TTN: variants seen among roughly 807,000 people sequenced by gnomAD.
The protein encoded by TTN is connectin.
A neutral mutation model predicts 3,223.0 loss-of-function variants in TTN; 1,525 were observed. That is an observed-to-expected ratio of 0.47 (90% CI 0.45 to 0.49). The LOEUF (loss-of-function observed/expected upper bound fraction) is 0.49, where lower values mean the gene tolerates loss of function less well. Ranked by LOEUF, TTN falls within the 20% of genes least tolerant of loss-of-function variation. The pLI, the probability that TTN is intolerant of heterozygous loss-of-function variation, is 0.00. For synonymous variants in TTN, 14,094 were observed against 15,161.0 expected (o/e 0.93, Z 5.17); for missense variants, 40,786 against 43,424.0 (o/e 0.94, Z 5.40).
In TTN at chr2:178,551,640, A is replaced by G. The variant is rs1208748409; in HGVS notation, c.91260T>C (p.Val30420=). 3.8e-6 allele frequency: 6 copies of G among 1,578,952 alleles called. No homozygotes were observed. Among genetic ancestry groups the G allele is most frequent in the Admixed American group, 1.8e-5 (1 of 54,644 alleles). ...ATAATAATCACTTACCTACTGGAGA[A>G]ACAGCTAAGGTAAATTTGCTTGGGT... ...PSDPSKFTLA[V]SPVDPPGTPD... Residue 30420 remains valine (V), a synonymous_variant, in exon 335 of 363, where the codon GTT becomes GTC. Coordinates refer to ENST00000589042, the MANE Select transcript of TTN (RefSeq NM_001267550.2).
Position 178,601,028 on chromosome 2 carries a change from T to G in TTN, c.55876A>C (p.Thr18626Pro), listed in dbSNP as rs762549682. Reference protein sequence around the residue: ...VECLAWDPTGTKKEAWRQCNK... With the variant: ...VECLAWDPTGPKKEAWRQCNK... The stretch of plus-strand genomic sequence containing the variant: ...CACTGCCTCCAGGCTTCTTTCTTTG[T>G]CCCAGTAGGGTCCCATGCAAGGCAC... Residue 18626 changes from threonine to proline, a missense_variant, in exon 288 of 363, where the codon ACA (threonine) becomes CCA (proline). Thr to Pro is a conservative substitution (Grantham distance 38). Coordinates refer to ENST00000589042, the MANE Select transcript of TTN (RefSeq NM_001267550.2). The G allele has an allele frequency of 1.2e-6, 2 of 1,612,942 alleles. No homozygotes were observed. The highest frequency in any genetic ancestry group is 1.7e-6 in the Non-Finnish European group (2 of 1,179,360).
At position 178,531,110 on chromosome 2, in the gene TTN, G is replaced by A. The variant is rs746050101; in HGVS notation, c.105505C>T (p.Leu35169=). ...ACTTGGTGGCGGGCAGAAGTACTTA[G>A]CACTTGTCCTTTACGCAGCCAGGTC... ...TVTWLRKGQV[L]STSARHQVTT... The change falls in exon 358 of 363, where the codon CTA becomes TTA. Residue 35169 remains leucine, a synonymous_variant. Coordinates refer to ENST00000589042, the MANE Select transcript of TTN (RefSeq NM_001267550.2). 24 of 1,613,856 alleles carry A rather than the reference G, an allele frequency of 1.5e-5. No individual in the cohort carries two copies. In the East Asian group the frequency reaches 5.1e-4, roughly 34 times the overall value.
At chr2:178,665,337 A>G (rs2154260488) in intron 165 of TTN, 40 bp downstream of exon 165, 1 of 1,544,808 alleles carries the variant, frequency 6.5e-7, no homozygotes, top group South Asian at 1.1e-5. Context: ...AGCAGAGGAC[A>G]GATAATTTCT....
At chr2:178,748,901 CTT>C (rs2084499421) in intron 47 of TTN, 1 of 1,612,302 alleles carries the variant, frequency 6.2e-7, no homozygotes, top group Admixed American at 1.7e-5. Context: ...TCTTGATTCT[CTT>C]TGCTTTAATG....
intron 21 of TTN, 134 bp from the exon 22 acceptor site, chr2:178,780,339 A>T: frequency 1.4e-6 from 1 of 737,448 alleles, no homozygotes; most frequent in Non-Finnish European, 2.3e-6. Context: ...CTACTATTGA[A>T]GTGCTCAATA....
In TTN at chr2:178,614,270, C is replaced by T. The variant is rs746306518; in HGVS notation, c.49127G>A (p.Arg16376His). The stretch of plus-strand genomic sequence containing the variant: ...TGTGATCTTAGATCCACCATCATCG[C>T]GTGGTGGGTTCCATGTTAGAAGACA... ...ESCLLTWNPP[R>H]DDGGSKITNY... is the part of the protein sequence containing the mutation. Residue 16376 changes from arginine to histidine, a missense_variant, in exon 262 of 363, where the codon CGC becomes CAC. Physicochemically the swap from Arg to His is conservative, Grantham distance 29. Transcript: ENST00000589042. 21 of 1,612,624 alleles carry T rather than the reference C, an allele frequency of 1.3e-5. No homozygotes were observed. The highest frequency in any genetic ancestry group is 2.2e-5 in the East Asian group (1 of 44,614).
chr2:178,534,304 A>C lies in TTN; in HGVS notation c.102311T>G (p.Met34104Arg), dbSNP rs769416699. The C allele has an allele frequency of 6.2e-7, 1 of 1,613,756 alleles. No individual in the cohort carries two copies. The highest frequency in any genetic ancestry group is 8.5e-7 in the Non-Finnish European group (1 of 1,179,824). ...YHTLIKKDLN[M>R]VVSAARISCG... ...GGAGATCCGGGCTGCTGACACAACC[A>C]TGTTGAGGTCTTTCTTGATCAGGGT... Residue 34104 changes from methionine (M) to arginine (R), a missense_variant, in exon 358 of 363, where the codon ATG becomes AGG. Coordinates refer to ENST00000589042, the MANE Select transcript of TTN (RefSeq NM_001267550.2).
In TTN at chr2:178,560,782, C is replaced by A; in HGVS notation, c.85350G>T (p.Lys28450Asn). ...CAAGTGGTCCTGCTGGTGGACCAGGCTTATCAAGTACTTTGCAATTAACGG... is the reference window on the plus strand; with the variant it reads ...CAAGTGGTCCTGCTGGTGGACCAGGATTATCAAGTACTTTGCAATTAACGG... ...SVAVNCKVLDKPGPPAGPLEI... is the reference protein window; with the variant it reads ...SVAVNCKVLDNPGPPAGPLEI... Residue 28450 changes from lysine (K) to asparagine (N), a missense_variant, in exon 326 of 363, where the codon AAG becomes AAT. Lys to Asn is a moderately conservative substitution (Grantham distance 94, BLOSUM62 0). Coordinates refer to ENST00000589042, the MANE Select transcript of TTN (RefSeq NM_001267550.2). 5 of 1,613,762 alleles carry A rather than the reference C, an allele frequency of 3.1e-6. No individual in the cohort carries two copies. Among genetic ancestry groups the A allele is most frequent in the Non-Finnish European group, 4.2e-6 (5 of 1,179,804 alleles).
chr2:178,747,257 C>T (rs150025575), intron 47 of TTN: 9 of 1,612,824 alleles, frequency 5.6e-6, no homozygotes, highest in East Asian at 2.2e-5. Context: ...GTATCTTTCT[C>T]CTACCTCACC....
In TTN at chr2:178,794,419, T is replaced by C. The variant is rs748833883; in HGVS notation, c.1378A>G (p.Ile460Val). ...AQRTTTTAVH[I>V]QPAQEQVRKE... ...CGTACCTGTTCTTGAGCAGGTTGGA[T>C]GTGCACAGCAGTCGTGGTTGTCCTC... is the stretch of plus-strand genomic sequence containing the variant. The change falls in exon 8 of 363, where the codon ATC becomes GTC. Residue 460 changes from isoleucine to valine, a missense_variant. Ile to Val is a conservative substitution (Grantham distance 29). Transcript: ENST00000589042. 3.1e-6 allele frequency: 5 copies of C among 1,614,090 alleles called. No homozygotes were observed. Among genetic ancestry groups the C allele is most frequent in the Admixed American group, 3.3e-5 (2 of 60,014 alleles).
rs147020824 is a variant in TTN, at chr2:178,780,016, G to T, written c.3713C>A (p.Thr1238Asn). The change falls in exon 22 of 363, where the codon ACT (threonine) becomes AAT (asparagine). Residue 1238 changes from threonine to asparagine, a missense_variant. Thr to Asn is a moderately conservative substitution (Grantham distance 65). Transcript: ENST00000589042. ...TATACTCACCTGATCTTCTACATAA[G>T]TTCTGACCACTACAGTATCTTTGGC... ...KMAKDTVVVR[T>N]YVEDQEFHIS... The T allele has an allele frequency of 1.2e-5, 19 of 1,612,528 alleles. No homozygotes were observed. In the African/African-American group the frequency reaches 1.9e-4, roughly 16 times the overall value.
At chr2:178,794,574 G>T in intron 7 of TTN, 23 bp from the exon 8 acceptor site, 1 of 1,614,074 alleles carries the variant, frequency 6.2e-7, no homozygotes, top group South Asian at 1.1e-5. Context: ...TGACCAAGTA[G>T]ATTACTTTTT....
Position 178,531,758 on chromosome 2 carries a change from C to T in TTN, c.104857G>A (p.Val34953Ile), listed in dbSNP as rs776593972. Residue 34953 changes from valine to isoleucine, a missense_variant, in exon 358 of 363, where the codon GTA becomes ATA. Transcript: ENST00000589042. ...AAACGTGTATTTTGGCCACATGGTA[C>T]CCTGTGCGAGCGCATTCTCAGTGTG... Reference protein sequence around the residue: ...RITLRMRSHRVPCGQNTRFIL... With the variant: ...RITLRMRSHRIPCGQNTRFIL... 12 of 1,613,944 alleles carry T rather than the reference C, an allele frequency of 7.4e-6. No individual in the cohort carries two copies. In the Admixed American group the frequency reaches 1.8e-4, roughly 25 times the overall value.
At position 178,792,145 on chromosome 2, in the gene TTN, G is replaced by A. The variant is rs766786868; in HGVS notation, c.1589C>T (p.Ala530Val). ...TCTAGTTTCTTGTTCTTTGGCTTTA[G>A]CTGCGGAAATTACTACCTTTGGTAC... is the stretch of plus-strand genomic sequence containing the variant. The part of the protein sequence containing the change: ...TFVPKVVISA[A>V]KAKEQETRIS... Residue 530 changes from alanine (A) to valine (V), a missense_variant, in exon 10 of 363, where the codon GCT (alanine) becomes GTT (valine). Coordinates refer to ENST00000589042, the MANE Select transcript of TTN (RefSeq NM_001267550.2). 1.2e-6 allele frequency: 2 copies of A among 1,611,920 alleles called. No homozygotes were observed. The highest frequency in any genetic ancestry group is 2.2e-5 in the East Asian group (1 of 44,706).
intron 348 of TTN, 26 bp downstream of exon 348, chr2:178,542,636 C>T: frequency 6.2e-7 from 1 of 1,602,812 alleles, no homozygotes; most frequent in South Asian, 1.1e-5. Flanking sequence ...CATCAACTTG[C>T]TTGTATCTTT....
chr2:178,793,941 T>A (rs1216312228), intron 8 of TTN, among the ~76,000 whole-genome samples: 1 of 152,262 alleles, frequency 6.6e-6, no homozygotes, highest in Non-Finnish European at 1.5e-5. Context: ...CCTGGATTTA[T>A]GACACTGTTC....
chr2:178,590,691 A>T lies in TTN; in HGVS notation c.61034T>A (p.Val20345Asp). The change falls in exon 304 of 363, where the codon GTT becomes GAT. Residue 20345 changes from valine (V) to aspartate (D), a missense_variant. Val to Asp is a radical substitution (Grantham distance 152). Transcript: ENST00000589042. ...LYEGNTYEFRVFAENLAGLSK... is the reference protein window; with the variant it reads ...LYEGNTYEFRDFAENLAGLSK... The stretch of plus-strand genomic sequence containing the variant: ...TAGTCCTGCAAGATTTTCAGCAAAA[A>T]CTCTAAACTCATATGTATTTCCTTC... The T allele has an allele frequency of 6.2e-7, 1 of 1,612,984 alleles. No individual in the cohort carries two copies. The highest frequency in any genetic ancestry group is 8.5e-7 in the Non-Finnish European group (1 of 1,179,392).
rs186409685 is a variant in TTN at position 178,629,069 on chromosome 2, G to T, written c.44424+232C>A. Among the ~76,000 whole-genome samples, 22 of 151,972 alleles carry T rather than the reference G, an allele frequency of 1.4e-4. No homozygotes were observed. In the East Asian group the frequency reaches 4.1e-3, roughly 28 times the overall value. The stretch of plus-strand genomic sequence containing the variant: ...TCTTTTCTTCAAAAAACTAAAACAT[G>T]ATCATACTTTAAATTTATTTCAATT... On this transcript the variant is annotated intron_variant, in intron 240 of 362. Coordinates refer to ENST00000589042, the MANE Select transcript of TTN (RefSeq NM_001267550.2).
In TTN at chr2:178,742,559, G is replaced by A. The variant is rs538717193; in HGVS notation, c.11312-638C>T. Among the ~76,000 whole-genome samples, 5 of 151,980 alleles carry A rather than the reference G, an allele frequency of 3.3e-5. No individual in the cohort carries two copies. In the East Asian group the frequency reaches 7.7e-4, roughly 23 times the overall value. On this transcript the variant is annotated intron_variant, in intron 47 of 362. Transcript: ENST00000589042. The stretch of plus-strand genomic sequence containing the variant: ...AATAAGGCATTAGCCAAGAAAATAA[G>A]ATAATCAAAAATAAGAGAAAACAAC...
Sources: allele counts gnomAD v4.1 joint callset (sites outside exome capture counted in the v4.1 genomes callset), GRCh38; gene constraint gnomAD v4.1.1; transcripts MANE v1.5; gene names NCBI Gene and HGNC (gene_info 2026-07-23, HGNC 2026-07-21).